The following CCM2 variants were observed in gnomAD, a reference collection of about 807,000 sequenced individuals.
The protein encoded by CCM2 is CCM2 scaffold protein.
A neutral mutation model predicts 44.9 loss-of-function variants in CCM2; 25 were observed. The observed-to-expected ratio is 0.56, with a 90% CI of 0.41 to 0.78. The LOEUF (loss-of-function observed/expected upper bound fraction) is 0.78. Ranked by LOEUF, CCM2 falls within the 30% of genes least tolerant of loss-of-function variation. CCM2 has a pLI of 0.00. For synonymous variants in CCM2, 219 were observed against 241.1 expected, an observed-to-expected ratio of 0.91 and a Z score of 0.85; for missense variants, 481 against 580.6, an observed-to-expected ratio of 0.83 and a Z score of 1.76.
intron 2 of CCM2, among the ~76,000 whole-genome samples, chr7:45,050,393 G>A (rs1262241994): frequency 6.6e-6 from 1 of 152,156 alleles, no homozygotes; most frequent in East Asian, 1.9e-4. Flanking sequence ...AGGAGTGTAG[G>A]TTATGTGCAA....
rs774015400 is a variant in CCM2 at position 45,075,857 on chromosome 7, G to A, written c.1135G>A (p.Gly379Ser). 1.4e-5 allele frequency: 22 copies of A among 1,613,514 alleles called. No homozygotes were observed. The highest frequency in any genetic ancestry group is 3.3e-4 in the Middle Eastern group (2 of 6,084). ...GACCATTGGCGTGAAGGATGGCCGCGGCATCATCACTGACAGCTTTGGCAG... is the reference window on the plus strand; with the variant it reads ...GACCATTGGCGTGAAGGATGGCCGCAGCATCATCACTGACAGCTTTGGCAG... ...LETIGVKDGR[G>S]IITDSFGRHR... The change falls in exon 10 of 10, where the codon GGC becomes AGC. Residue 379 changes from glycine (G) to serine (S), a missense_variant. Transcript: ENST00000258781.
At chr7:45,006,254 G>A (rs62461383) in intron 1 of CCM2, among the ~76,000 whole-genome samples, 13 of 152,058 alleles carry the variant, frequency 8.5e-5, no homozygotes, top group Admixed American at 1.3e-4. Context: ...TGTGTGGGCC[G>A]AATAGTGTCC....
At position 45,043,450 on chromosome 7, in the gene CCM2, CA is replaced by C. The variant is rs879850466; in HGVS notation, c.204+5031del. On this transcript the variant is annotated intron_variant, in intron 2 of 9. Coordinates refer to ENST00000258781, the MANE Select transcript of CCM2 (RefSeq NM_031443.4). ...CTACTGTGGCTGTGAGAATAAACAA[CA>C]AAAAAATTATACACCGTGAACAAGT... is the stretch of plus-strand genomic sequence containing the variant. 7.9e-5 allele frequency among the ~76,000 whole-genome samples: 12 copies of C among 151,948 alleles called. 1 individual carries two copies. The highest frequency in any genetic ancestry group is 1.5e-4 in the Non-Finnish European group (10 of 67,966).
chr7:45,065,519 T>G (rs1016375122), intron 4 of CCM2, among the ~76,000 whole-genome samples: 2 of 152,132 alleles, frequency 1.3e-5, no homozygotes, highest in Non-Finnish European at 2.9e-5. Flanking sequence ...AGAGGGGAAT[T>G]TGTTGTTCCA....
At chr7:45,024,915 G>C (rs766737772) in intron 1 of CCM2, among the ~76,000 whole-genome samples, 5 of 152,166 alleles carry the variant, frequency 3.3e-5, no homozygotes, top group Admixed American at 6.5e-5. Context: ...ATAAAATTGA[G>C]TTCATCGTTG....
At chr7:45,047,728 A>G (rs1797825568) in intron 2 of CCM2, among the ~76,000 whole-genome samples, 1 of 152,196 alleles carries the variant, frequency 6.6e-6, no homozygotes, top group Admixed American at 6.5e-5. Context: ...TGTGCCTATA[A>G]AGGGCAACAG....
intron 7 of CCM2, 39 bp downstream of exon 7, chr7:45,072,822 C>T: frequency 9.7e-6 from 15 of 1,547,444 alleles, no homozygotes; most frequent in Non-Finnish European, 1.2e-5. Context: ...GTGGGACACG[C>T]ACCAAATGCG....
intron 5 of CCM2, 22 bp downstream of exon 5, chr7:45,068,601 T>G (rs1798903024): frequency 6.2e-7 from 1 of 1,613,364 alleles, no homozygotes; most frequent in Non-Finnish European, 8.5e-7. Flanking sequence ...TCGCCCCACT[T>G]ACTCAGAACT....
intron 9 of CCM2, among the ~76,000 whole-genome samples, chr7:45,075,106 C>T (rs370775178): frequency 2.0e-5 from 3 of 152,374 alleles, no homozygotes; most frequent in South Asian, 2.1e-4. Flanking sequence ...CAGGGCTCCC[C>T]GCTCTTAGGA....
At chr7:45,039,770 T>A (rs946607552) in intron 2 of CCM2, among the ~76,000 whole-genome samples, 12 of 152,200 alleles carry the variant, frequency 7.9e-5, no homozygotes, top group African/African-American at 2.9e-4. Flanking sequence ...CTCACACCTG[T>A]AATCCCAGCA....
At chr7:45,021,472 G>A (rs1162570577) in intron 1 of CCM2, among the ~76,000 whole-genome samples, 1 of 151,786 alleles carries the variant, frequency 6.6e-6, no homozygotes, top group Non-Finnish European at 1.5e-5. Flanking sequence ...GCTGAGACAG[G>A]GAGAATTGCT....
chr7:45,003,538 G>C (rs963009931), intron 1 of CCM2, among the ~76,000 whole-genome samples: 5 of 151,864 alleles, frequency 3.3e-5, no homozygotes, highest in Admixed American at 2.6e-4. Context: ...TTTGAGACCA[G>C]CCTGGCCAGC....
intron 2 of CCM2, among the ~76,000 whole-genome samples, chr7:45,058,429 A>G (rs1423325056): frequency 1.3e-5 from 2 of 150,962 alleles, no homozygotes; most frequent in Non-Finnish European, 1.5e-5. Context: ...TTAACTCATC[A>G]TTTAGCATTA....
intron 1 of CCM2, among the ~76,000 whole-genome samples, chr7:45,015,578 T>A (rs1412285015): frequency 6.6e-6 from 1 of 152,238 alleles, no homozygotes; most frequent in East Asian, 1.9e-4. Flanking sequence ...TGTGCCTTGC[T>A]GAACACATTG....
intron 1 of CCM2, among the ~76,000 whole-genome samples, chr7:45,037,112 T>C (rs1464794271): frequency 6.6e-6 from 1 of 152,080 alleles, no homozygotes; most frequent in African/African-American, 2.4e-5. Context: ...TAGATAGGGA[T>C]TGTAGCATGA....
At chr7:45,036,918 C>G (rs1477222226) in intron 1 of CCM2, among the ~76,000 whole-genome samples, 3 of 152,150 alleles carry the variant, frequency 2.0e-5, no homozygotes, top group Non-Finnish European at 4.4e-5. Context: ...TGGCAGGCAC[C>G]TGCAAAAGGA....
intron 1 of CCM2, among the ~76,000 whole-genome samples, chr7:45,032,052 G>A (rs888738835): frequency 1.4e-4 from 21 of 152,294 alleles, no homozygotes; most frequent in African/African-American, 4.8e-4. Context: ...CATCCTCAGC[G>A]AGAACAGCAG....
intron 1 of CCM2, among the ~76,000 whole-genome samples, chr7:45,037,752 A>G (rs1335123457): frequency 1.3e-5 from 2 of 151,964 alleles, no homozygotes; most frequent in Non-Finnish European, 1.5e-5. Flanking sequence ...TTGGAGCTCA[A>G]CACACTCAGT....
intron 6 of CCM2, chr7:45,071,671 A>T (rs550502865): frequency 2.4e-4 from 104 of 429,144 alleles, no homozygotes; most frequent in Admixed American, 6.9e-4. Flanking sequence ...GGCTCCAGAG[A>T]AGAAGCCATT....
Sources: gnomAD v4.1 joint callset for allele counts (sites outside exome capture counted in the v4.1 genomes callset) on GRCh38, gnomAD v4.1.1 for gene constraint, MANE v1.5 for transcripts, NCBI Gene and HGNC (gene_info 2026-07-23, HGNC 2026-07-21) for gene names.